The following ECT2 variants were observed in gnomAD, a reference collection of about 807,000 sequenced individuals.
ECT2 encodes protein ECT2.
Under a neutral mutation model 116.9 loss-of-function variants are expected in ECT2, and 61 were observed. The observed-to-expected ratio is 0.52, with a 90% CI of 0.42 to 0.65. The LOEUF (loss-of-function observed/expected upper bound fraction) is 0.65, where lower values mean the gene tolerates loss of function less well. Among genes scored for constraint, ECT2 ranks in the 30% least tolerant of loss-of-function variants. The pLI, the probability that ECT2 is intolerant of heterozygous loss-of-function variation, is 0.00. For missense variants in ECT2, 937 were observed against 1,078.7 expected (o/e 0.87, Z 1.84); for synonymous variants, 358 against 346.4 (o/e 1.03, Z -0.37).
At chr3:172,763,061 T>G in intron 11 of ECT2, 89 bp downstream of exon 11, 1 of 1,367,214 alleles carries the variant, frequency 7.3e-7, no homozygotes, top group Non-Finnish European at 1.0e-6. Context: ...GAAGCATGTT[T>G]AGGAATTTCA....
rs17814191 is a variant in ECT2 at position 172,759,365 on chromosome 3, T to C, written c.576+296T>C. 9.8e-3 allele frequency among the ~76,000 whole-genome samples: 1,500 copies of C among 152,318 alleles called. 7 individuals are homozygous for C. Among genetic ancestry groups the C allele is most frequent in the Admixed American group, 0.019 (297 of 15,294 alleles). On this transcript the variant is annotated intron_variant, in intron 6 of 24. Transcript: ENST00000392692. ...GTTATTTAAAGTTTTTGTTTATACA[T>C]TGCAATTTCTTATTATGCAAGTTCA...
At chr3:172,786,609 T>A (rs1032177580) in intron 18 of ECT2, 35 bp downstream of exon 18, 15 of 1,391,212 alleles carry the variant, frequency 1.1e-5, no homozygotes, top group Non-Finnish European at 1.5e-5. Flanking sequence ...GATTGTGCCT[T>A]AGATTTCGAA....
intron 22 of ECT2, among the ~76,000 whole-genome samples, chr3:172,812,236 C>G (rs764871489): frequency 6.6e-6 from 1 of 152,162 alleles, no homozygotes; most frequent in South Asian, 2.1e-4. Flanking sequence ...GATCTGCCCC[C>G]CTGGGGGCCT....
intron 18 of ECT2, among the ~76,000 whole-genome samples, chr3:172,795,711 A>G (rs1288564518): frequency 4.6e-5 from 7 of 152,218 alleles, no homozygotes; most frequent in Admixed American, 6.5e-5. Context: ...AATGGGATAA[A>G]CATTTATAAC....
At chr3:172,793,676 C>T (rs1396905069) in intron 18 of ECT2, among the ~76,000 whole-genome samples, 2 of 151,768 alleles carry the variant, frequency 1.3e-5, no homozygotes, top group African/African-American at 4.8e-5. Context: ...GTTGGCCAGT[C>T]TGGTCTCGAT....
At chr3:172,798,368 A>G (rs966872919) in intron 18 of ECT2, among the ~76,000 whole-genome samples, 22 of 152,112 alleles carry the variant, frequency 1.4e-4, no homozygotes, top group African/African-American at 4.8e-4. Context: ...AGGGTTTTGA[A>G]TTCTTCCCTA....
intron 18 of ECT2, among the ~76,000 whole-genome samples, chr3:172,788,611 G>A (rs921853824): frequency 2.6e-5 from 4 of 152,120 alleles, no homozygotes; most frequent in African/African-American, 7.2e-5. Context: ...AACCATGACA[G>A]TAAAGGAAAT....
chr3:172,782,239 T>G lies in ECT2; in HGVS notation c.1617+8T>G. ...GACATTTTTCTGAAATATGTAAGTA[T>G]TGTATTTCTTTTTTAAGTTTTCAGA... On this transcript the variant is annotated splice_region_variant and intron_variant, in intron 15 of 24. Transcript: ENST00000392692. 6.7e-7 allele frequency: 1 copy of G among 1,496,178 alleles called. No individual in the cohort carries two copies. The highest frequency in any genetic ancestry group is 9.1e-7 in the Non-Finnish European group (1 of 1,092,914). 92.7% of individuals were successfully genotyped at this position (1,496,178 alleles called of 1,614,324 possible).
intron 18 of ECT2, among the ~76,000 whole-genome samples, chr3:172,788,966 G>C (rs1248929600): frequency 1.3e-5 from 2 of 149,760 alleles, no homozygotes; most frequent in Non-Finnish European, 3.0e-5. Context: ...GCTGAGGCAT[G>C]AGAATCGCTG....
At chr3:172,762,995 A>G (rs775334397) in intron 11 of ECT2, 23 bp downstream of exon 11, 1 of 1,610,240 alleles carries the variant, frequency 6.2e-7, no homozygotes, top group African/African-American at 1.3e-5. Context: ...CCCCTTACTT[A>G]TTTGTTCTGT....
At chr3:172,806,597 C>CT (rs369478058) in intron 21 of ECT2, among the ~76,000 whole-genome samples, 2,425 of 78,370 alleles carry the variant, frequency 0.031, 68 homozygotes, top group African/African-American at 0.098. Flanking sequence ...AGAAATTATT[C>CT]TTTTTTTTTT....
chr3:172,805,899 A>G (rs567366328), intron 21 of ECT2, 30 bp downstream of exon 21: 2 of 1,600,418 alleles, frequency 1.2e-6, no homozygotes, highest in Admixed American at 1.8e-5. Flanking sequence ...TCTTGGTTAT[A>G]TAAAAATAGT....
intron 20 of ECT2, among the ~76,000 whole-genome samples, chr3:172,804,839 G>A (rs943153525): frequency 1.3e-5 from 2 of 151,774 alleles, no homozygotes; most frequent in African/African-American, 2.4e-5. Context: ...TTGGTCTCCT[G>A]TAGCTCCCAA....
intron 18 of ECT2, among the ~76,000 whole-genome samples, chr3:172,801,261 C>A (rs1001346370): frequency 3.3e-5 from 5 of 152,136 alleles, no homozygotes; most frequent in Non-Finnish European, 7.4e-5. Context: ...TCCTGGCATG[C>A]AGTTAAGTAG....
intron 13 of ECT2, among the ~76,000 whole-genome samples, chr3:172,770,806 T>G (rs1480088177): frequency 1.3e-5 from 2 of 152,174 alleles, no homozygotes; most frequent in Admixed American, 6.5e-5. Context: ...TATAAAGTAC[T>G]GTGCTAAGTG....
intron 12 of ECT2, among the ~76,000 whole-genome samples, chr3:172,766,970 A>G (rs1234596133): frequency 6.6e-6 from 1 of 152,228 alleles, no homozygotes; most frequent in Non-Finnish European, 1.5e-5. Context: ...GCTCTGTAAA[A>G]TAGATTCCCC....
intron 1 of ECT2, chr3:172,752,532 G>T (rs1413294283): frequency 6.6e-6 from 1 of 151,034 alleles, no homozygotes; most frequent in Non-Finnish European, 1.5e-5. Context: ...GACTTTGAAT[G>T]AAAGCCACTT....
intron 14 of ECT2, among the ~76,000 whole-genome samples, chr3:172,779,219 A>G (rs1722275076): frequency 6.6e-6 from 1 of 152,204 alleles, no homozygotes; most frequent in South Asian, 2.1e-4. Context: ...TTTAAACCTC[A>G]GTAGTCAGTG....
rs372362802 is a variant in ECT2, at chr3:172,774,031, G to T, written c.1548+9G>T. Reference sequence around the variant, plus strand: ...TACACACTAAGATAAAGGTAAATTTGTATATGTTAGATTGGTAGTAATTTT... The same window carrying T: ...TACACACTAAGATAAAGGTAAATTTTTATATGTTAGATTGGTAGTAATTTT... On this transcript the variant is annotated intron_variant, in intron 14 of 24. Transcript: ENST00000392692. The T allele has an allele frequency of 6.2e-7, 1 of 1,607,436 alleles. No individual in the cohort carries two copies. The highest frequency in any genetic ancestry group is 1.1e-5 in the South Asian group (1 of 90,512).
Sources: allele counts gnomAD v4.1 joint callset (sites outside exome capture counted in the v4.1 genomes callset), GRCh38; gene constraint gnomAD v4.1.1; transcripts MANE v1.5; gene names NCBI Gene and HGNC (gene_info 2026-07-23, HGNC 2026-07-21).